The following ZFPM2 variants were observed in gnomAD, a reference collection of about 807,000 sequenced individuals.
ZFPM2 encodes the protein zinc finger protein, FOG family member 2, also known as zinc finger protein ZFPM2.
A neutral mutation model predicts 98.6 loss-of-function variants in ZFPM2; 20 were observed. The observed-to-expected ratio is 0.20, with a 90% CI of 0.14 to 0.29. ZFPM2 has a LOEUF of 0.29. Among genes scored for constraint, ZFPM2 ranks in the 10% least tolerant of loss-of-function variants. ZFPM2 has a pLI of 1.00. For missense variants in ZFPM2, 1,310 were observed against 1,388.6 expected, an observed-to-expected ratio of 0.94 and a Z score of 0.90; for synonymous variants, 518 against 502.7, an observed-to-expected ratio of 1.03 and a Z score of -0.41.
At chr8:105,709,538 A>T (rs28568417) in intron 5 of ZFPM2, among the ~76,000 whole-genome samples, 21,942 of 152,026 alleles carry the variant, frequency 0.14, 1,727 homozygotes, top group South Asian at 0.3. Flanking sequence ...CCAGATTTTT[A>T]AAAAAATGTA....
chr8:105,405,545 T>A (rs1029005405), intron 1 of ZFPM2, among the ~76,000 whole-genome samples: 1 of 151,650 alleles, frequency 6.6e-6, no homozygotes, highest in African/African-American at 2.4e-5. Context: ...TTTTTTGTCC[T>A]TGCAATAGTT....
chr8:105,790,093 G>T (rs889976739), intron 6 of ZFPM2, among the ~76,000 whole-genome samples: 11 of 151,466 alleles, frequency 7.3e-5, no homozygotes, highest in Non-Finnish European at 1.2e-4. Context: ...AGTTTAATTA[G>T]ATCCCATTTG....
rs111914072 is a variant in ZFPM2 at position 105,361,724 on chromosome 8, T to A, written c.40+42743T>A. ...GCTTTATGGAAATTGAAGCTTGCAT[T>A]TAATAGATTCTATATTCAGTCATGT... is the stretch of plus-strand genomic sequence containing the variant. On this transcript the variant is annotated intron_variant, in intron 1 of 7. Coordinates refer to ENST00000407775, the MANE Select transcript of ZFPM2 (RefSeq NM_012082.4). 9.4e-3 allele frequency among the ~76,000 whole-genome samples: 1,431 copies of A among 152,300 alleles called. 21 individuals are homozygous for A. Among genetic ancestry groups the A allele is most frequent in the African/African-American group, 0.033 (1,365 of 41,572 alleles).
intron 4 of ZFPM2, among the ~76,000 whole-genome samples, chr8:105,568,226 C>A (rs1747091693): frequency 6.6e-6 from 1 of 152,156 alleles, no homozygotes; most frequent in African/African-American, 2.4e-5. Context: ...TGCAAGCTTT[C>A]CCATTTAATT....
At chr8:105,487,594 C>G (rs1813254981) in intron 3 of ZFPM2, among the ~76,000 whole-genome samples, 1 of 152,012 alleles carries the variant, frequency 6.6e-6, no homozygotes, top group East Asian at 1.9e-4. Context: ...GTAGACCATT[C>G]ATAAATTAAT....
intron 4 of ZFPM2, among the ~76,000 whole-genome samples, chr8:105,628,938 C>T (rs1223896279): frequency 1.3e-5 from 2 of 152,262 alleles, no homozygotes; most frequent in Admixed American, 1.3e-4. Context: ...GAACTGTTAA[C>T]AGTTAAGCTG....
chr8:105,351,354 CGT>C (rs139105567), intron 1 of ZFPM2, among the ~76,000 whole-genome samples: 3,539 of 144,796 alleles, frequency 0.024, 51 homozygotes, highest in African/African-American at 0.039. Flanking sequence ...TGCATTATTT[CGT>C]GTGTGTGTGT....
intron 1 of ZFPM2, among the ~76,000 whole-genome samples, chr8:105,405,538 T>C (rs1446390564): frequency 6.6e-6 from 1 of 151,760 alleles, no homozygotes; most frequent in Non-Finnish European, 1.5e-5. Flanking sequence ...TCTTTGGTTT[T>C]TTGTCCTTGC....
At chr8:105,525,743 A>G (rs1281498299) in intron 3 of ZFPM2, among the ~76,000 whole-genome samples, 1 of 152,226 alleles carries the variant, frequency 6.6e-6, no homozygotes, top group Non-Finnish European at 1.5e-5. Flanking sequence ...TATATAAAAT[A>G]TATGTCCCAG....
At chr8:105,795,121 G>A (rs879572811) in intron 6 of ZFPM2, among the ~76,000 whole-genome samples, 12 of 152,168 alleles carry the variant, frequency 7.9e-5, no homozygotes, top group Non-Finnish European at 1.6e-4. Context: ...ACTCCCTAGT[G>A]AGATGAACCC....
At chr8:105,392,714 A>C (rs1176275699) in intron 1 of ZFPM2, among the ~76,000 whole-genome samples, 1 of 152,194 alleles carries the variant, frequency 6.6e-6, no homozygotes, top group Non-Finnish European at 1.5e-5. Flanking sequence ...AGTAGCATTA[A>C]ATACTGCATA....
intron 3 of ZFPM2, among the ~76,000 whole-genome samples, chr8:105,460,031 C>T (rs1812674486): frequency 6.6e-6 from 1 of 152,068 alleles, no homozygotes; most frequent in Non-Finnish European, 1.5e-5. Flanking sequence ...CCCTCTGGTA[C>T]CAGATAGCAT....
chr8:105,720,887 T>A (rs191471130), intron 5 of ZFPM2, among the ~76,000 whole-genome samples: 2 of 152,038 alleles, frequency 1.3e-5, no homozygotes, highest in African/African-American at 2.4e-5. Context: ...AACAGTCCCA[T>A]TGTTTTGGCA....
intron 6 of ZFPM2, among the ~76,000 whole-genome samples, chr8:105,794,662 T>G (rs1323800782): frequency 6.6e-6 from 1 of 152,250 alleles, no homozygotes; most frequent in Non-Finnish European, 1.5e-5. Context: ...TCTTTTTGTT[T>G]GTCTGTGCCC....
chr8:105,420,664 C>T (rs758265136), intron 2 of ZFPM2, among the ~76,000 whole-genome samples: 2 of 152,066 alleles, frequency 1.3e-5, no homozygotes, highest in Non-Finnish European at 2.9e-5. Context: ...GTTGCTAGAA[C>T]CATTAAATTG....
Position 105,318,914 on chromosome 8 carries a change from A to T in ZFPM2, c.-28A>T. On this transcript the variant is annotated 5_prime_UTR_variant, in exon 1 of 8. Transcript: ENST00000407775. ...CAGCCGCGACCGCGGGCACCGCGGGAGCCCCAGCGGCAGCAGCCGCCGCCG... is the reference window on the plus strand; with the variant it reads ...CAGCCGCGACCGCGGGCACCGCGGGTGCCCCAGCGGCAGCAGCCGCCGCCG... 7.3e-7 allele frequency: 1 copy of T among 1,374,794 alleles called. No individual in the cohort carries two copies. Among genetic ancestry groups the T allele is most frequent in the Non-Finnish European group, 9.6e-7 (1 of 1,045,116 alleles). 85.2% of individuals were successfully genotyped at this position (1,374,794 alleles called of 1,614,324 possible). A position where few individuals can be genotyped will look rare whatever the true frequency, so the allele number is the denominator to read the frequency against.
At chr8:105,505,984 C>G (rs1813690550) in intron 3 of ZFPM2, among the ~76,000 whole-genome samples, 1 of 151,936 alleles carries the variant, frequency 6.6e-6, no homozygotes, top group Non-Finnish European at 1.5e-5. Context: ...AAATCTGTTT[C>G]CAAATCATAC....
chr8:105,725,690 T>C (rs2131004453), intron 5 of ZFPM2, among the ~76,000 whole-genome samples: 1 of 151,826 alleles, frequency 6.6e-6, no homozygotes, highest in Admixed American at 6.6e-5. Flanking sequence ...CAGAAGCCAA[T>C]TCCTATGACT....
At chr8:105,773,934 A>G (rs763153865) in intron 5 of ZFPM2, among the ~76,000 whole-genome samples, 2 of 152,176 alleles carry the variant, frequency 1.3e-5, no homozygotes, top group Non-Finnish European at 2.9e-5. Flanking sequence ...ATGACTGAAG[A>G]ATTTCAAAGC....
Sources: gnomAD v4.1 joint callset for allele counts (sites outside exome capture counted in the v4.1 genomes callset) on GRCh38, gnomAD v4.1.1 for gene constraint, MANE v1.5 for transcripts, NCBI Gene and HGNC (gene_info 2026-07-23, HGNC 2026-07-21) for gene names.